Variants in CIB4 observed in about 807,000 individuals in gnomAD.
CIB4 encodes calcium and integrin-binding family member 4.
In CIB4, 25 loss-of-function variants were observed where a neutral mutation model predicts 25.8. The observed-to-expected ratio is 0.97, with a 90% confidence interval of 0.71 to 1.35. The LOEUF is 1.35. Among genes scored for constraint, CIB4 ranks in the 40% most tolerant of loss-of-function variants. The probability of loss-of-function intolerance (pLI) is 0.00; values close to 1 mark genes in which losing one functional copy is unlikely to be tolerated. For missense variants in CIB4, 235 were observed against 228.2 expected, an observed-to-expected ratio of 1.03 and a Z score of -0.19; for synonymous variants, 75 against 81.4, an observed-to-expected ratio of 0.92 and a Z score of 0.42.
At chr2:26,584,506 G>A (rs1668413360) in intron 4 of CIB4, among the ~76,000 whole-genome samples, 1 of 152,206 alleles carries the variant, frequency 6.6e-6, no homozygotes, top group Non-Finnish European at 1.5e-5. Context: ...CTTGTAGACT[G>A]TCCACAGTGG....
intron 4 of CIB4, 50 bp downstream of exon 4, chr2:26,595,126 T>G: frequency 6.4e-7 from 1 of 1,560,220 alleles, no homozygotes. Context: ...ATACGGTATG[T>G]TCTCTATGGC....
rs1328507708 is a variant in CIB4, at chr2:26,598,645, T to C, written c.187-3328A>G. ...GGGGACCCAGGAGTGGCTAGTATAG[T>C]TCGCTGTAAGGCCTGGCAGGCACCT... On this transcript the variant is annotated intron_variant, in intron 3 of 6. Coordinates refer to ENST00000288861, the MANE Select transcript of CIB4 (RefSeq NM_001029881.3). Among the ~76,000 whole-genome samples, 6 of 152,086 alleles carry C rather than the reference T, an allele frequency of 3.9e-5. No homozygotes were observed. In the East Asian group the frequency reaches 9.7e-4, roughly 24 times the overall value.
chr2:26,609,973 G>A lies in CIB4; in HGVS notation c.187-14656C>T, dbSNP rs531440638. 7.9e-5 allele frequency among the ~76,000 whole-genome samples: 12 copies of A among 152,346 alleles called. No individual in the cohort carries two copies. In the South Asian group the frequency reaches 1.5e-3, roughly 18 times the overall value. On this transcript the variant is annotated intron_variant, in intron 3 of 6. Transcript: ENST00000288861. ...CCCACTCAAGGGCAGACCAGGCAGCGGAAGCTTAGAAAACTGCCTAGAACA... is the reference window on the plus strand; with the variant it reads ...CCCACTCAAGGGCAGACCAGGCAGCAGAAGCTTAGAAAACTGCCTAGAACA...
At chr2:26,638,451 G>A (rs1354162881) in intron 2 of CIB4, among the ~76,000 whole-genome samples, 1 of 152,130 alleles carries the variant, frequency 6.6e-6, no homozygotes, top group Non-Finnish European at 1.5e-5. Context: ...TCGAGAGAGA[G>A]CCTGAACCCT....
At chr2:26,640,705 G>T in intron 1 of CIB4, 138 bp from the exon 2 acceptor site, 1 of 832,942 alleles carries the variant, frequency 1.2e-6, no homozygotes, top group South Asian at 1.7e-5. Flanking sequence ...AGGTTGAGGT[G>T]GATGCCTGAG....
Position 26,641,309 on chromosome 2 carries a change from C to T in CIB4, c.6G>A (p.Gly2=), listed in dbSNP as rs1263539364. The part of the protein sequence containing the change: M[G]QCLRYQMHWE... ...AGTGCATCTGATACCTCAAGCATTG[C>T]CCCATGCCAACCACACCTTTCTGTC... Residue 2 remains glycine, a synonymous_variant, in exon 1 of 7, where the codon GGG becomes GGA. Transcript: ENST00000288861. 2 of 1,613,354 alleles carry T rather than the reference C, an allele frequency of 1.2e-6. No homozygotes were observed. The highest frequency in any genetic ancestry group is 2.2e-5 in the East Asian group (1 of 44,848).
chr2:26,635,297 G>A (rs1220253750), intron 2 of CIB4, among the ~76,000 whole-genome samples: 2 of 152,180 alleles, frequency 1.3e-5, no homozygotes, highest in Non-Finnish European at 2.9e-5. Context: ...TAGAACATGA[G>A]GTCTCCCCCC....
chr2:26,621,280 G>GA (rs1435839518), intron 3 of CIB4, among the ~76,000 whole-genome samples: 6 of 144,090 alleles, frequency 4.2e-5, no homozygotes, highest in South Asian at 2.2e-4. Context: ...AACAGGGAAT[G>GA]AAAAAAGATC....
intron 4 of CIB4, 73 bp from the exon 5 acceptor site, chr2:26,583,971 G>GCT: frequency 1.0e-6 from 1 of 961,688 alleles, no homozygotes; most frequent in Non-Finnish European, 1.7e-6. Context: ...AGGAGTCCTG[G>GCT]GGGACACAGC....
chr2:26,640,637 C>A (rs2148231142), intron 1 of CIB4, 70 bp from the exon 2 acceptor site: 2 of 1,493,000 alleles, frequency 1.3e-6, no homozygotes, highest in East Asian at 4.8e-5. Context: ...GGGAGTGGCG[C>A]AATTCAGAGG....
At chr2:26,612,355 G>C (rs1669011394) in intron 3 of CIB4, among the ~76,000 whole-genome samples, 1 of 152,248 alleles carries the variant, frequency 6.6e-6, no homozygotes, top group South Asian at 2.1e-4. Flanking sequence ...ATCTATGTCT[G>C]TACCTTTCCA....
chr2:26,589,051 T>TTCC (rs1668520480), intron 4 of CIB4, among the ~76,000 whole-genome samples: 1 of 51,348 alleles, frequency 1.9e-5, no homozygotes, highest in Non-Finnish European at 3.8e-5. Context: ...CTTCTTCTTC[T>TTCC]TCTTCTTCCT....
chr2:26,595,687 G>A (rs968589033), intron 3 of CIB4, among the ~76,000 whole-genome samples: 15 of 152,260 alleles, frequency 9.9e-5, no homozygotes, highest in African/African-American at 3.6e-4. Flanking sequence ...ATAACAAGAA[G>A]TCCTGCATCA....
chr2:26,628,595 G>A (rs748010076), intron 3 of CIB4, among the ~76,000 whole-genome samples: 8 of 152,182 alleles, frequency 5.3e-5, no homozygotes, highest in African/African-American at 9.6e-5. Context: ...CCCAGGCAGC[G>A]CTGGCTGAAT....
At chr2:26,610,430 G>A in intron 3 of CIB4, among the ~76,000 whole-genome samples, 1 of 152,198 alleles carries the variant, frequency 6.6e-6, no homozygotes, top group South Asian at 2.1e-4. Context: ...CTAAACCTAA[G>A]CAACTCAAAG....
intron 3 of CIB4, among the ~76,000 whole-genome samples, chr2:26,618,713 C>A (rs926230962): frequency 4.6e-5 from 7 of 152,298 alleles, no homozygotes; most frequent in South Asian, 2.1e-4. Context: ...GTGGGTACTC[C>A]GAGGGCCTGG....
chr2:26,620,791 CCAAA>C (rs1669190802), intron 3 of CIB4, among the ~76,000 whole-genome samples: 1 of 152,022 alleles, frequency 6.6e-6, no homozygotes, highest in Admixed American at 6.6e-5. Context: ...AGCCAAGGAC[CCAAA>C]CAAACAAGTG....
intron 3 of CIB4, among the ~76,000 whole-genome samples, chr2:26,615,304 C>T (rs567371857): frequency 6.6e-6 from 1 of 152,324 alleles, no homozygotes; most frequent in South Asian, 2.1e-4. Context: ...GAACAAACTG[C>T]AGCCAGGTGA....
chr2:26,588,401 C>T (rs1335818703), intron 4 of CIB4, among the ~76,000 whole-genome samples: 2 of 152,190 alleles, frequency 1.3e-5, no homozygotes, highest in African/African-American at 4.8e-5. Context: ...GGAGGCTGAC[C>T]AGCCCAGGCG....
Sources: allele counts gnomAD v4.1 joint callset (sites outside exome capture counted in the v4.1 genomes callset), GRCh38; gene constraint gnomAD v4.1.1; transcripts MANE v1.5; gene names NCBI Gene and HGNC (gene_info 2026-07-23, HGNC 2026-07-21).